NHSL1: variants seen among roughly 807,000 people sequenced by gnomAD.
The protein encoded by NHSL1 is NHS like 1.
Under a neutral mutation model 95.0 loss-of-function variants are expected in NHSL1, and 48 were observed. The observed-to-expected ratio is 0.51, with a 90% CI of 0.40 to 0.64. NHSL1 has a LOEUF of 0.64. NHSL1 is among the 30% of genes least tolerant of loss of function. The pLI, the probability that NHSL1 is intolerant of heterozygous loss-of-function variation, is 0.00. For synonymous variants in NHSL1, 783 were observed against 833.9 expected (o/e 0.94, Z 1.05); for missense variants, 1,971 against 2,077.7 (o/e 0.95, Z 1.00).
At chr6:138,590,540 G>C (rs1280499424) in intron 1 of NHSL1, among the ~76,000 whole-genome samples, 1 of 152,052 alleles carries the variant, frequency 6.6e-6, no homozygotes, top group African/African-American at 2.4e-5. Context: ...CCCTGATCTT[G>C]TCAAACTGCT....
At chr6:138,552,017 A>G (rs1783023144) in intron 1 of NHSL1, among the ~76,000 whole-genome samples, 1 of 152,138 alleles carries the variant, frequency 6.6e-6, no homozygotes, top group African/African-American at 2.4e-5. Context: ...AACTACACAA[A>G]TGCTTCATGG....
At position 138,508,143 on chromosome 6, in the gene NHSL1, C is replaced by T. The variant is rs183725096; in HGVS notation, c.17-11772G>A. ...ATTCATGTGACAAATGTTGAACAAACGAAAGGCGAGGCAGACAGAAAACAT... is the reference window on the plus strand; with the variant it reads ...ATTCATGTGACAAATGTTGAACAAATGAAAGGCGAGGCAGACAGAAAACAT... On this transcript the variant is annotated intron_variant, in intron 1 of 4. Coordinates refer to the NHSL1 transcript ENST00000342260. Among the ~76,000 whole-genome samples the T allele has an allele frequency of 6.6e-5, 10 of 152,074 alleles. No individual in the cohort carries two copies. In the East Asian group the frequency reaches 7.7e-4, roughly 12 times the overall value.
intron 1 of NHSL1, among the ~76,000 whole-genome samples, chr6:138,563,214 A>G (rs563766084): frequency 1.9e-4 from 29 of 152,358 alleles, no homozygotes; most frequent in African/African-American, 6.7e-4. Flanking sequence ...TATTAAATGA[A>G]TGAACTCATG....
intron 3 of NHSL1, among the ~76,000 whole-genome samples, chr6:138,460,155 G>A (rs146072582): frequency 2.0e-4 from 31 of 152,152 alleles, no homozygotes; most frequent in African/African-American, 4.3e-4. Context: ...GTAGAAGACC[G>A]CCCCCACCCA....
chr6:138,564,367 TC>T (rs760588970), intron 1 of NHSL1, among the ~76,000 whole-genome samples: 2 of 152,160 alleles, frequency 1.3e-5, no homozygotes, highest in South Asian at 2.1e-4. Flanking sequence ...AGAGTGATCT[TC>T]CCAAAACAGG....
intron 1 of NHSL1, among the ~76,000 whole-genome samples, chr6:138,676,820 A>G (rs558923791): frequency 3.4e-4 from 51 of 152,220 alleles, no homozygotes; most frequent in African/African-American, 1.2e-3. Flanking sequence ...ACACCTGGCT[A>G]ATTTTTGTAT....
chr6:138,620,635 T>C (rs148093363), intron 1 of NHSL1, among the ~76,000 whole-genome samples: 48 of 152,326 alleles, frequency 3.2e-4, no homozygotes, highest in African/African-American at 1.1e-3. Flanking sequence ...CCTTTATCTG[T>C]ATATAACAAT....
At chr6:138,490,370 C>T (rs979928838) in intron 2 of NHSL1, among the ~76,000 whole-genome samples, 6 of 151,950 alleles carry the variant, frequency 3.9e-5, no homozygotes, top group Admixed American at 2.0e-4. Flanking sequence ...GAACCGATGG[C>T]GAAAGACAAG....
At chr6:138,595,422 A>T (rs981651790) in intron 1 of NHSL1, among the ~76,000 whole-genome samples, 2 of 152,124 alleles carry the variant, frequency 1.3e-5, no homozygotes, top group African/African-American at 4.8e-5. Context: ...AAAAATATTT[A>T]AAAATTAGTT....
rs3734305 is a variant in NHSL1 at position 138,431,104 on chromosome 6, C to A, written c.3241G>T (p.Val1081Leu). 1 of 1,551,844 alleles carries A rather than the reference C, an allele frequency of 6.4e-7. No individual in the cohort carries two copies. The highest frequency in any genetic ancestry group is 8.7e-7 in the Non-Finnish European group (1 of 1,147,024). ...EALQMVQLRP[V>L]RKNSGAEAAQ... Reference sequence around the variant, plus strand: ...GCCTCAGCGCCTGAGTTCTTTCTCACGGGCCTCAACTGCACCATCTGCAAT... The same window carrying A: ...GCCTCAGCGCCTGAGTTCTTTCTCAAGGGCCTCAACTGCACCATCTGCAAT... Residue 1081 changes from valine to leucine, a missense_variant, in exon 6 of 8, where the codon GTG (valine) becomes TTG (leucine). By Grantham distance (32) the Val-to-Leu change is conservative. Transcript: ENST00000343505. The surrounding 1 kb of genome is among the most constrained non-coding windows in gnomAD (Gnocchi z 4.0).
rs116571918 is a variant in NHSL1 at position 138,482,825 on chromosome 6, C to T, written c.212-9392G>A. On this transcript the variant is annotated intron_variant, in intron 2 of 7. Transcript: ENST00000343505. ...AAAGGGTAGTGGGACTAAAGGGTTA[C>T]ATTCCCGCCTTCAAGGTGCTTACAG... 3.6e-3 allele frequency among the ~76,000 whole-genome samples: 551 copies of T among 152,312 alleles called. 5 individuals are homozygous for T. Among genetic ancestry groups the T allele is most frequent in the African/African-American group, 0.013 (533 of 41,558 alleles).
At chr6:138,437,434 ACACACACAC>A (rs1291541735) in intron 5 of NHSL1, among the ~76,000 whole-genome samples, 3 of 37,822 alleles carry the variant, frequency 7.9e-5, no homozygotes, top group Admixed American at 2.5e-4. Flanking sequence ...ACACACACAC[ACACACACAC>A]ACAAAAAAAA....
chr6:138,586,456 A>T (rs1432929084), intron 1 of NHSL1, among the ~76,000 whole-genome samples: 1 of 152,202 alleles, frequency 6.6e-6, no homozygotes, highest in Non-Finnish European at 1.5e-5. Flanking sequence ...GAATTATAGC[A>T]GGGTATAGCC....
chr6:138,691,693 C>A (rs1041634585), intron 1 of NHSL1: 5 of 339,932 alleles, frequency 1.5e-5, no homozygotes, highest in Non-Finnish European at 2.9e-5. Context: ...CTGCTTTGGG[C>A]CAGCAGGAAA....
intron 4 of NHSL1, 196 bp downstream of exon 4, chr6:138,446,805 C>T (rs769005748): frequency 7.1e-5 from 41 of 580,778 alleles, no homozygotes; most frequent in Admixed American, 1.6e-4. Flanking sequence ...ACATAGTCTT[C>T]GAACCCAACA....
intron 1 of NHSL1, among the ~76,000 whole-genome samples, chr6:138,589,340 A>G (rs947564474): frequency 6.6e-6 from 1 of 152,138 alleles, no homozygotes; most frequent in East Asian, 1.9e-4. Context: ...ATTAAAATAC[A>G]GACCCGGGGC....
At chr6:138,543,368 G>C (rs902370151) in intron 1 of NHSL1, among the ~76,000 whole-genome samples, 1 of 152,180 alleles carries the variant, frequency 6.6e-6, no homozygotes, top group Non-Finnish European at 1.5e-5. Context: ...TATAAGTTAC[G>C]ATAGTGACAA....
chr6:138,485,818 C>T (rs879883283), intron 2 of NHSL1, among the ~76,000 whole-genome samples: 1 of 152,272 alleles, frequency 6.6e-6, no homozygotes, highest in Non-Finnish European at 1.5e-5. Flanking sequence ...AAATGAAATA[C>T]CACACATATT....
intron 7 of NHSL1, among the ~76,000 whole-genome samples, chr6:138,426,913 C>T (rs1030717471): frequency 2.0e-5 from 3 of 152,204 alleles, no homozygotes; most frequent in Admixed American, 6.5e-5. Flanking sequence ...GACATCCTAA[C>T]ATCTCGAAAC....
Sources: allele counts gnomAD v4.1 joint callset (sites outside exome capture counted in the v4.1 genomes callset), GRCh38; gene constraint gnomAD v4.1.1; non-coding constraint Gnocchi (gnomAD v3.1); transcripts MANE v1.5; gene names NCBI Gene and HGNC (gene_info 2026-07-23, HGNC 2026-07-21).